The following MBTD1 variants were observed in gnomAD, a reference collection of about 807,000 sequenced individuals.
MBTD1 encodes MBT domain-containing protein 1.
Under a neutral mutation model 87.8 loss-of-function variants are expected in MBTD1, and 24 were observed. That is an observed-to-expected ratio of 0.27 (90% CI 0.20 to 0.38). The LOEUF (loss-of-function observed/expected upper bound fraction) is 0.38, where lower values mean the gene tolerates loss of function less well. Ranked by LOEUF, MBTD1 falls within the 10% of genes least tolerant of loss-of-function variation. The pLI is 1.00. For missense variants in MBTD1, 436 were observed against 760.2 expected (o/e 0.57, Z 5.02); for synonymous variants, 237 against 248.6 (o/e 0.95, Z 0.44).
intron 2 of MBTD1, among the ~76,000 whole-genome samples, chr17:51,247,283 T>A (rs1232984967): frequency 6.6e-6 from 1 of 152,218 alleles, no homozygotes; most frequent in Non-Finnish European, 1.5e-5. Flanking sequence ...TACTGAATCA[T>A]CCTTGTATTC....
intron 6 of MBTD1, among the ~76,000 whole-genome samples, chr17:51,215,927 ATTTTTT>A (rs35988235): frequency 6.1e-5 from 7 of 114,202 alleles, no homozygotes; most frequent in African/African-American, 1.0e-4. Context: ...TAAAGCCCTA[ATTTTTT>A]TTTTTTTTTT....
At chr17:51,211,164 GA>G (rs80065690) in intron 6 of MBTD1, among the ~76,000 whole-genome samples, 2 of 148,130 alleles carry the variant, frequency 1.4e-5, no homozygotes, top group African/African-American at 2.5e-5. Flanking sequence ...AAAAAAAAAG[GA>G]AAAAAAAATT....
intron 12 of MBTD1, among the ~76,000 whole-genome samples, chr17:51,200,891 T>C (rs924302913): frequency 2.0e-5 from 3 of 151,502 alleles, no homozygotes; most frequent in African/African-American, 7.3e-5. Flanking sequence ...CTGGGTGCCG[T>C]GGCTCATGCC....
At chr17:51,192,608 G>C in intron 15 of MBTD1, 174 bp downstream of exon 15, 1 of 1,151,272 alleles carries the variant, frequency 8.7e-7, no homozygotes, top group Non-Finnish European at 1.2e-6. Context: ...CATTGCCATG[G>C]GACACATGGT....
At chr17:51,215,544 G>GT (rs2052518090) in intron 6 of MBTD1, among the ~76,000 whole-genome samples, 1 of 152,164 alleles carries the variant, frequency 6.6e-6, no homozygotes, top group Non-Finnish European at 1.5e-5. Context: ...AAGAGTTACT[G>GT]TAACTGAGAA....
At chr17:51,213,449 C>A (rs1015861901) in intron 6 of MBTD1, among the ~76,000 whole-genome samples, 2 of 151,880 alleles carry the variant, frequency 1.3e-5, no homozygotes, top group East Asian at 1.9e-4. Context: ...ATACATTGCA[C>A]CTAACTGGCA....
intron 7 of MBTD1, 61 bp from the exon 8 acceptor site, chr17:51,203,986 C>G: frequency 7.6e-7 from 1 of 1,316,418 alleles, no homozygotes; most frequent in South Asian, 1.3e-5. Context: ...AACAATACAG[C>G]ATCTGATAGC....
At chr17:51,216,151 T>C (rs1426668938) in intron 6 of MBTD1, among the ~76,000 whole-genome samples, 1 of 152,016 alleles carries the variant, frequency 6.6e-6, no homozygotes, top group African/African-American at 2.4e-5. Flanking sequence ...AGGCTGGTCT[T>C]GAACTCCCGA....
At chr17:51,187,386 AGT>A (rs1452918880) in intron 16 of MBTD1, among the ~76,000 whole-genome samples, 4 of 149,610 alleles carry the variant, frequency 2.7e-5, no homozygotes, top group Non-Finnish European at 1.5e-5. Flanking sequence ...TGGGCAATAA[AGT>A]GAGACCTTGT....
intron 5 of MBTD1, among the ~76,000 whole-genome samples, chr17:51,217,888 C>T (rs547851471): frequency 5.9e-5 from 9 of 152,152 alleles, no homozygotes; most frequent in South Asian, 4.1e-4. Flanking sequence ...TGAGCCACCA[C>T]GCCTGGCCAG....
chr17:51,219,031 G>T lies in MBTD1; in HGVS notation c.302C>A (p.Thr101Lys), dbSNP rs1435364275. The T allele has an allele frequency of 6.5e-7, 1 of 1,542,758 alleles. No individual in the cohort carries two copies. Among genetic ancestry groups the T allele is most frequent in the South Asian group, 1.2e-5 (1 of 83,866 alleles). Residue 101 changes from threonine (T) to lysine (K), a missense_variant, in exon 5 of 17, where the codon ACA (threonine) becomes AAA (lysine). This residue lies in a region of MBTD1 where 18 missense variants were observed against 107.8 expected (regional missense o/e 0.17). Transcript: ENST00000586178. ...TTTCTGAAGAACTTTTGCTTTCTTT[G>T]TTGGAGGCTTACCCTAAAACAAGAA... ...ILARLQGKPP[T>K]KKAKVLQKQP...
At chr17:51,260,426 C>G, upstream of MBTD1, 2 of 769,636 alleles carry the variant, frequency 2.6e-6, no homozygotes, top group South Asian at 1.9e-5. Context: ...GGTAGGGGAG[C>G]GGGAGTTACG....
chr17:51,205,259 C>G (rs1045366424), intron 7 of MBTD1, among the ~76,000 whole-genome samples: 12 of 152,182 alleles, frequency 7.9e-5, no homozygotes, highest in African/African-American at 2.4e-4. Context: ...CTAATTACTG[C>G]TGAACTCTAG....
intron 16 of MBTD1, among the ~76,000 whole-genome samples, chr17:51,191,181 T>C (rs557767373): frequency 3.9e-5 from 6 of 152,004 alleles, no homozygotes; most frequent in South Asian, 4.2e-4. Flanking sequence ...AAATCAAACA[T>C]AGTTATCAAT....
At chr17:51,230,384 C>T (rs762976161) in intron 2 of MBTD1, among the ~76,000 whole-genome samples, 5 of 152,108 alleles carry the variant, frequency 3.3e-5, no homozygotes, top group Admixed American at 6.6e-5. Context: ...CTTACTCATT[C>T]GACATTTATC....
chr17:51,216,219 A>G (rs1279929081), intron 6 of MBTD1, among the ~76,000 whole-genome samples: 1 of 152,192 alleles, frequency 6.6e-6, no homozygotes, highest in African/African-American at 2.4e-5. Flanking sequence ...GGCGTGAGCC[A>G]CCGTGCCCGG....
intron 6 of MBTD1, among the ~76,000 whole-genome samples, chr17:51,211,371 G>A (rs899986312): frequency 2.6e-5 from 4 of 151,922 alleles, no homozygotes; most frequent in African/African-American, 9.7e-5. Context: ...TCTGGGCATG[G>A]TGGTGTGTGC....
At chr17:51,181,826 T>C (rs2050325842) in intron 16 of MBTD1, among the ~76,000 whole-genome samples, 1 of 152,180 alleles carries the variant, frequency 6.6e-6, no homozygotes, top group Non-Finnish European at 1.5e-5. Context: ...AAATTAACAG[T>C]ATAGCCATGT....
chr17:51,223,188 G>A (rs2053013290), intron 3 of MBTD1, among the ~76,000 whole-genome samples: 1 of 151,886 alleles, frequency 6.6e-6, no homozygotes, highest in South Asian at 2.1e-4. Flanking sequence ...AAAACTGGAA[G>A]ATTAGATGAC....
Sources: gnomAD v4.1 joint callset for allele counts (sites outside exome capture counted in the v4.1 genomes callset) on GRCh38, gnomAD v4.1.1 for gene constraint, gnomAD v4.1.1 regional missense constraint, MANE v1.5 for transcripts, NCBI Gene and HGNC (gene_info 2026-07-23, HGNC 2026-07-21) for gene names.